Variants in ITGAE observed in about 807,000 individuals in gnomAD.
ITGAE encodes the protein integrin subunit alpha E.
A neutral mutation model predicts 136.5 loss-of-function variants in ITGAE; 99 were observed. The ratio of observed to expected loss-of-function variants is 0.73; its 90% CI spans 0.62 to 0.86. The LOEUF (loss-of-function observed/expected upper bound fraction) is 0.86. Ranked by LOEUF, ITGAE falls within the 40% of genes least tolerant of loss-of-function variation. The probability of loss-of-function intolerance (pLI) is 0.00; values close to 1 mark genes in which losing one functional copy is unlikely to be tolerated. For missense variants in ITGAE, 1,447 were observed against 1,515.3 expected, an observed-to-expected ratio of 0.95 and a Z score of 0.75; for synonymous variants, 613 against 591.8, an observed-to-expected ratio of 1.04 and a Z score of -0.52.
chr17:3,750,500 C>G lies in ITGAE; in HGVS notation c.1894-18G>C, dbSNP rs745548895. On this transcript the variant is annotated intron_variant, in intron 15 of 30. Coordinates refer to ENST00000263087, the MANE Select transcript of ITGAE (RefSeq NM_002208.5). Reference sequence around the variant, plus strand: ...CTGATCCGCTGTGGAGGCAGAAACACAAGGCGTGGGGCGAGGGAAGGGAGG... The same window carrying G: ...CTGATCCGCTGTGGAGGCAGAAACAGAAGGCGTGGGGCGAGGGAAGGGAGG... 2 of 1,613,760 alleles carry G rather than the reference C, an allele frequency of 1.2e-6. No homozygotes were observed. The highest frequency in any genetic ancestry group is 1.7e-6 in the Non-Finnish European group (2 of 1,179,902).
intron 26 of ITGAE, chr17:3,725,575 G>A (rs2051191125): frequency 6.2e-7 from 1 of 1,614,120 alleles, no homozygotes; most frequent in African/African-American, 1.3e-5. Context: ...CTCTTATCCG[G>A]TGAAGTGTGC....
intron 1 of ITGAE, among the ~76,000 whole-genome samples, chr17:3,792,777 A>C (rs1259393086): frequency 6.6e-6 from 1 of 152,236 alleles, no homozygotes; most frequent in Non-Finnish European, 1.5e-5. Flanking sequence ...GGTGATATCA[A>C]CATGAAAAAG....
In ITGAE at chr17:3,757,746, TTGA is replaced by T. The variant is rs2052064277; in HGVS notation, c.977_979del (p.Ile326del). 2 of 1,613,600 alleles carry T rather than the reference TTGA, an allele frequency of 1.2e-6. No homozygotes were observed. Among genetic ancestry groups the T allele is most frequent in the East Asian group, 2.2e-5 (1 of 44,868 alleles). On this transcript the variant is annotated inframe_deletion, in exon 9 of 31. Transcript: ENST00000263087. ...CTCAACACCCTGCATTTTGGGGGAG[TTGA>T]TGACTGTCGTAAGGTTGAGGGGGTC... is the stretch of plus-strand genomic sequence containing the variant.
rs374681107 is a variant in ITGAE at position 3,799,900 on chromosome 17, C to G, written c.34+1211G>C. Among the ~76,000 whole-genome samples the G allele has an allele frequency of 3.3e-5, 5 of 152,228 alleles. No homozygotes were observed. In the East Asian group the frequency reaches 9.7e-4, roughly 29 times the overall value. ...AACACTTTGGGAGGCCGAGGCAGGT[C>G]GATCACCTGAGGGCAGGAGACCAGC... is the stretch of plus-strand genomic sequence containing the variant. On this transcript the variant is annotated intron_variant, in intron 1 of 30. Transcript: ENST00000263087. The surrounding 1 kb of genome is among the most constrained non-coding windows in gnomAD (Gnocchi z 4.1).
chr17:3,739,719 G>T, intron 20 of ITGAE, 86 bp downstream of exon 20: 1 of 1,101,520 alleles, frequency 9.1e-7, no homozygotes, highest in African/African-American at 1.5e-5. Context: ...GGAAGGGGAT[G>T]TGCAGGGTGT....
At position 3,757,105 on chromosome 17, in the gene ITGAE, A is replaced by G. The variant is rs200622965; in HGVS notation, c.1050T>C (p.Thr350=). 1 of 1,614,172 alleles carries G rather than the reference A, an allele frequency of 6.2e-7. No individual in the cohort carries two copies. The highest frequency in any genetic ancestry group is 1.7e-5 in the Admixed American group (1 of 60,010). ...GVGEEFKSAR[T]ARELNLIASD... ...AGGCGATCAGGTTCAGTTCCCTCGC[A>G]GTCCTAGCACTCTTAAATTCTTCTC... The change falls in exon 10 of 31, where the codon ACT becomes ACC. Residue 350 remains threonine, a synonymous_variant. Coordinates refer to ENST00000263087, the MANE Select transcript of ITGAE (RefSeq NM_002208.5).
intron 1 of ITGAE, among the ~76,000 whole-genome samples, chr17:3,781,240 G>T (rs2052660128): frequency 6.6e-6 from 1 of 151,996 alleles, no homozygotes; most frequent in Non-Finnish European, 1.5e-5. Context: ...TTGTCATATT[G>T]TTTTTCCTTT....
At chr17:3,760,411 G>T in intron 6 of ITGAE, 124 bp from the exon 7 acceptor site, 5 of 214,088 alleles carry the variant, frequency 2.3e-5, no homozygotes, top group East Asian at 1.0e-4. Flanking sequence ...AGAAGTTGGA[G>T]AAGCTCCCAA....
rs965482328 is a variant in ITGAE at position 3,798,344 on chromosome 17, C to A, written c.34+2767G>T. Among the ~76,000 whole-genome samples, 6 of 152,174 alleles carry A rather than the reference C, an allele frequency of 3.9e-5. No individual in the cohort carries two copies. The highest frequency in any genetic ancestry group is 1.2e-4 in the African/African-American group (5 of 41,428). On this transcript the variant is annotated intron_variant, in intron 1 of 30. Coordinates refer to ENST00000263087, the MANE Select transcript of ITGAE (RefSeq NM_002208.5). This position sits in a 1 kb window ranked among gnomAD's most constrained non-coding sequence, Gnocchi z 4.3. The stretch of plus-strand genomic sequence containing the variant: ...CCCGCACCTCCAGGGCCCAGCATGT[C>A]CCGATTTGGGGCGGGGCTGGAAGGG...
At chr17:3,789,752 T>C (rs1175036991) in intron 1 of ITGAE, among the ~76,000 whole-genome samples, 1 of 152,142 alleles carries the variant, frequency 6.6e-6, no homozygotes, top group African/African-American at 2.4e-5. Context: ...CTGCCCCCAC[T>C]TGGCCTCTCA....
chr17:3,777,868 C>G (rs1224059717), intron 1 of ITGAE, among the ~76,000 whole-genome samples: 4 of 151,978 alleles, frequency 2.6e-5, no homozygotes, highest in African/African-American at 7.2e-5. Flanking sequence ...GTACCAGTAC[C>G]CGAGCCCCCC....
At chr17:3,796,161 G>T (rs867812763) in intron 1 of ITGAE, among the ~76,000 whole-genome samples, 2 of 77,866 alleles carry the variant, frequency 2.6e-5, no homozygotes, top group African/African-American at 1.3e-4. Flanking sequence ...GTGTGTGTGT[G>T]TGTGCATCCG....
intron 1 of ITGAE, among the ~76,000 whole-genome samples, chr17:3,796,485 G>C (rs887456773): frequency 2.6e-5 from 4 of 152,154 alleles, no homozygotes; most frequent in African/African-American, 9.7e-5. Context: ...ACATGGGGCT[G>C]TGCAGATCAA....
chr17:3,728,572 C>T (rs1198510648), intron 24 of ITGAE: 6 of 175,222 alleles, frequency 3.4e-5, no homozygotes, highest in Non-Finnish European at 6.1e-5. Context: ...GGGGTTTCGC[C>T]ATGTTAGCCA....
intron 20 of ITGAE, 69 bp downstream of exon 20, chr17:3,739,736 G>T: frequency 7.5e-7 from 1 of 1,331,050 alleles, no homozygotes; most frequent in South Asian, 1.2e-5. Context: ...GTGTCCTAAT[G>T]AAGGAATTGC....
intron 24 of ITGAE, chr17:3,728,435 G>A (rs1331068640): frequency 2.8e-6 from 1 of 351,424 alleles, no homozygotes; most frequent in Non-Finnish European, 5.1e-6. Flanking sequence ...GTGCAGTGGT[G>A]CGATCTCAGC....
intron 1 of ITGAE, among the ~76,000 whole-genome samples, chr17:3,783,395 C>A (rs1470276533): frequency 6.6e-6 from 1 of 152,226 alleles, no homozygotes; most frequent in African/African-American, 2.4e-5. Flanking sequence ...CCGCCCGCCT[C>A]AGCCTCCCAA....
At chr17:3,746,344 G>T (rs1446133450) in intron 17 of ITGAE, among the ~76,000 whole-genome samples, 1 of 150,560 alleles carries the variant, frequency 6.6e-6, no homozygotes, top group African/African-American at 2.4e-5. Context: ...CTCTCTTACT[G>T]TACAGAACAG....
chr17:3,776,929 A>G (rs1597358756), intron 2 of ITGAE, among the ~76,000 whole-genome samples: 1 of 151,990 alleles, frequency 6.6e-6, no homozygotes, highest in African/African-American at 2.4e-5. Flanking sequence ...ATAAGGAACA[A>G]AAGAGCCTTA....
Sources: gnomAD v4.1 joint callset for allele counts (sites outside exome capture counted in the v4.1 genomes callset) on GRCh38, gnomAD v4.1.1 for gene constraint, Gnocchi (gnomAD v3.1) non-coding constraint, MANE v1.5 for transcripts, NCBI Gene and HGNC (gene_info 2026-07-23, HGNC 2026-07-21) for gene names.